The following NAALADL2 variants were observed in gnomAD, a reference collection of about 807,000 sequenced individuals.
The protein encoded by NAALADL2 is inactive N-acetylated-alpha-linked acidic dipeptidase-like protein 2.
In NAALADL2, 76 loss-of-function variants were observed where a neutral mutation model predicts 87.2. The ratio of observed to expected loss-of-function variants is 0.87; its 90% CI spans 0.72 to 1.05. The LOEUF is 1.05. NAALADL2 is among the 50% of genes least tolerant of loss of function. NAALADL2 has a pLI of 0.00. For synonymous variants in NAALADL2, 354 were observed against 331.0 expected (o/e 1.07, Z -0.75); for missense variants, 1,089 against 945.8 (o/e 1.15, Z -1.99).
chr3:174,666,838 T>C (rs1264122919), intron 2 of NAALADL2, among the ~76,000 whole-genome samples: 3 of 152,166 alleles, frequency 2.0e-5, no homozygotes, highest in African/African-American at 7.2e-5. Flanking sequence ...AACTTTCATT[T>C]TCTACAACCT....
At chr3:174,977,204 G>C (rs184850918) in intron 1 of NAALADL2, among the ~76,000 whole-genome samples, 179 of 152,306 alleles carry the variant, frequency 1.2e-3, no homozygotes, top group African/African-American at 4.1e-3. Context: ...CATAGAAGTA[G>C]AGTAGAATGG....
At chr3:175,694,559 G>A (rs555782893) in intron 11 of NAALADL2, among the ~76,000 whole-genome samples, 2 of 152,188 alleles carry the variant, frequency 1.3e-5, no homozygotes, top group African/African-American at 4.8e-5. Context: ...GCATTCATAT[G>A]CAATGAATAT....
chr3:174,920,054 T>C (rs1734943198), intron 1 of NAALADL2, among the ~76,000 whole-genome samples: 1 of 152,208 alleles, frequency 6.6e-6, no homozygotes, highest in Non-Finnish European at 1.5e-5. Context: ...TATGCTATCA[T>C]TCAGGCCTTG....
At chr3:175,506,373 A>G (rs908917834) in intron 9 of NAALADL2, among the ~76,000 whole-genome samples, 21 of 152,196 alleles carry the variant, frequency 1.4e-4, no homozygotes, top group Admixed American at 1.2e-3. Flanking sequence ...CTGAAGGTTC[A>G]TGCAATTTAT....
At chr3:174,986,140 A>G (rs906809842) in intron 1 of NAALADL2, among the ~76,000 whole-genome samples, 2 of 151,598 alleles carry the variant, frequency 1.3e-5, no homozygotes, top group Non-Finnish European at 2.9e-5. Context: ...TTAGCAATCA[A>G]GATTGCACCT....
intron 9 of NAALADL2, among the ~76,000 whole-genome samples, chr3:175,523,385 G>A (rs1732935337): frequency 1.3e-5 from 2 of 152,256 alleles, no homozygotes; most frequent in Middle Eastern, 3.4e-3. Flanking sequence ...AAACCTTGCT[G>A]TAGATAATCT....
chr3:175,524,461 A>AT (rs2149428316), intron 9 of NAALADL2, among the ~76,000 whole-genome samples: 1 of 152,260 alleles, frequency 6.6e-6, no homozygotes, highest in African/African-American at 2.4e-5. Flanking sequence ...TATAATCTAC[A>AT]TTTTGGGAGA....
intron 1 of NAALADL2, among the ~76,000 whole-genome samples, chr3:174,882,690 C>T (rs752277464): frequency 1.7e-5 from 2 of 120,816 alleles, no homozygotes; most frequent in Non-Finnish European, 3.2e-5. Flanking sequence ...TATGTGTATC[C>T]GTGTATATAC....
intron 1 of NAALADL2, among the ~76,000 whole-genome samples, chr3:174,989,517 G>A (rs962142380): frequency 6.6e-6 from 1 of 152,112 alleles, no homozygotes; most frequent in Admixed American, 6.6e-5. Context: ...GTTTTATAAT[G>A]TCAAATGAGG....
intron 11 of NAALADL2, among the ~76,000 whole-genome samples, chr3:175,665,086 C>A (rs1179165661): frequency 6.6e-6 from 1 of 151,934 alleles, no homozygotes; most frequent in Non-Finnish European, 1.5e-5. Context: ...GCTTGCCCAG[C>A]AATTTATCTC....
At chr3:175,431,310 A>G (rs1329537499) in intron 5 of NAALADL2, among the ~76,000 whole-genome samples, 2 of 152,092 alleles carry the variant, frequency 1.3e-5, no homozygotes, top group Non-Finnish European at 2.9e-5. Context: ...AAGAATTAAA[A>G]AAGCAGTAGC....
At chr3:174,909,113 G>A (rs1468263791) in intron 1 of NAALADL2, among the ~76,000 whole-genome samples, 2 of 152,046 alleles carry the variant, frequency 1.3e-5, no homozygotes, top group Admixed American at 1.3e-4. Flanking sequence ...TATAGGCTAG[G>A]CACGGTGGCT....
intron 5 of NAALADL2, among the ~76,000 whole-genome samples, chr3:175,380,628 T>G (rs894415297): frequency 6.6e-6 from 1 of 152,192 alleles, no homozygotes; most frequent in African/African-American, 2.4e-5. Flanking sequence ...CCATGCTGTA[T>G]TTTAGAAAAC....
chr3:174,915,601 A>G (rs1734263561), intron 1 of NAALADL2, among the ~76,000 whole-genome samples: 2 of 152,250 alleles, frequency 1.3e-5, no homozygotes, highest in South Asian at 4.1e-4. Context: ...TATTATATTT[A>G]TTAGAGAAAT....
chr3:174,541,921 AG>A (rs2108468273), intron 1 of NAALADL2, among the ~76,000 whole-genome samples: 1 of 152,280 alleles, frequency 6.6e-6, no homozygotes, highest in Admixed American at 6.5e-5. Flanking sequence ...TTGAAGCAGC[AG>A]CAGCGTACAG....
At chr3:174,741,770 T>C (rs1733791411) in intron 3 of NAALADL2, among the ~76,000 whole-genome samples, 1 of 151,754 alleles carries the variant, frequency 6.6e-6, no homozygotes, top group Admixed American at 6.6e-5. Context: ...ATTTCAAAGA[T>C]ATCAACTTTT....
chr3:175,324,306 G>A lies in NAALADL2; in HGVS notation c.1071G>A (p.Thr357=), dbSNP rs367693756. 36 of 1,611,526 alleles carry A rather than the reference G, an allele frequency of 2.2e-5. No homozygotes were observed. The African/African-American group carries it at 2.5e-4, about 11-fold the overall frequency. The change falls in exon 5 of 14, where the codon ACG becomes ACA. Residue 357 remains threonine, a synonymous_variant. Coordinates refer to ENST00000454872, the MANE Select transcript of NAALADL2 (RefSeq NM_207015.3). ...TGAATCCAGGAGGAGACCCTTCTAC[G>A]CCTGGTTACCCAAGTGTCGGTAAGT... is the stretch of plus-strand genomic sequence containing the variant. ...VSLNPGGDPS[T]PGYPSVDESF... is the part of the protein sequence containing the mutation.
intron 3 of NAALADL2, among the ~76,000 whole-genome samples, chr3:174,854,182 T>C (rs371367832): frequency 7.9e-5 from 12 of 152,200 alleles, no homozygotes; most frequent in African/African-American, 2.9e-4. Flanking sequence ...TTATACATAA[T>C]AAGAGTATTA....
At chr3:175,543,881 T>G (rs1480422095) in intron 9 of NAALADL2, among the ~76,000 whole-genome samples, 2 of 152,104 alleles carry the variant, frequency 1.3e-5, no homozygotes, top group African/African-American at 4.8e-5. Flanking sequence ...GGAAAAAATG[T>G]GGAATTTTGA....
Sources: allele counts gnomAD v4.1 joint callset (sites outside exome capture counted in the v4.1 genomes callset), GRCh38; gene constraint gnomAD v4.1.1; transcripts MANE v1.5; gene names NCBI Gene and HGNC (gene_info 2026-07-23, HGNC 2026-07-21).